Variants in PCDH9 observed in about 807,000 individuals in gnomAD.
The protein encoded by PCDH9 is protocadherin 9, also known as protocadherin-9.
PCDH9 carries 24 observed loss-of-function variants against 70.6 expected under a neutral mutation model. The ratio of observed to expected loss-of-function variants is 0.34; its 90% CI spans 0.25 to 0.48. The LOEUF is 0.48. PCDH9 is among the 20% of genes least tolerant of loss of function. The pLI, the probability that PCDH9 is intolerant of heterozygous loss-of-function variation, is 0.99. For synonymous variants in PCDH9, 562 were observed against 558.5 expected, an observed-to-expected ratio of 1.01 and a Z score of -0.09; for missense variants, 1,281 against 1,503.6, an observed-to-expected ratio of 0.85 and a Z score of 2.45.
At chr13:67,028,727 T>C (rs1294061029) in intron 2 of PCDH9, among the ~76,000 whole-genome samples, 1 of 152,162 alleles carries the variant, frequency 6.6e-6, no homozygotes, top group Non-Finnish European at 1.5e-5. Context: ...AATAAATTAC[T>C]AATATGTATT....
At chr13:66,991,207 A>C (rs1344741226) in intron 2 of PCDH9, 2 of 152,120 alleles carry the variant, frequency 1.3e-5, no homozygotes, top group Admixed American at 1.3e-4. Flanking sequence ...CCAAGACATC[A>C]GCAGGTGTAA....
intron 4 of PCDH9, among the ~76,000 whole-genome samples, chr13:66,385,160 G>C (rs1200057606): frequency 1.3e-5 from 2 of 151,878 alleles, no homozygotes; most frequent in East Asian, 3.9e-4. Context: ...TGTCCTCCAG[G>C]TATATTCATG....
chr13:66,778,165 G>A (rs1030711017), intron 3 of PCDH9, among the ~76,000 whole-genome samples: 16 of 151,288 alleles, frequency 1.1e-4, no homozygotes, highest in African/African-American at 3.4e-4. Context: ...ATAGCTTTAG[G>A]AGATATACCT....
chr13:66,922,983 G>C (rs1375905324), intron 2 of PCDH9, among the ~76,000 whole-genome samples: 1 of 150,938 alleles, frequency 6.6e-6, no homozygotes. Flanking sequence ...TAAATATTTA[G>C]TTTTATCTTA....
chr13:66,776,165 C>A (rs1035371898), intron 3 of PCDH9, among the ~76,000 whole-genome samples: 3 of 151,748 alleles, frequency 2.0e-5, no homozygotes, highest in Non-Finnish European at 4.4e-5. Flanking sequence ...AACCCACAGC[C>A]AATATCATAC....
intron 2 of PCDH9, among the ~76,000 whole-genome samples, chr13:67,004,010 T>C (rs2084298072): frequency 6.6e-6 from 1 of 152,126 alleles, no homozygotes; most frequent in Non-Finnish European, 1.5e-5. Context: ...TCCCATTAGT[T>C]TTGATGAAGT....
intron 3 of PCDH9, among the ~76,000 whole-genome samples, chr13:66,842,367 T>A (rs2139431738): frequency 6.6e-6 from 1 of 152,324 alleles, no homozygotes; most frequent in East Asian, 1.9e-4. Context: ...TTAATTCTAA[T>A]GTGGTTCAAA....
At chr13:67,058,492 C>G (rs923751748) in intron 2 of PCDH9, among the ~76,000 whole-genome samples, 1 of 152,104 alleles carries the variant, frequency 6.6e-6, no homozygotes, top group Non-Finnish European at 1.5e-5. Context: ...TCGTCAGGGC[C>G]ATGGTCTAGT....
intron 4 of PCDH9, among the ~76,000 whole-genome samples, chr13:66,562,219 G>C (rs528038612): frequency 6.6e-6 from 1 of 152,160 alleles, no homozygotes; most frequent in South Asian, 2.1e-4. Context: ...AATCAAACTT[G>C]TGATAATATG....
chr13:66,553,154 T>A (rs1435929184), intron 4 of PCDH9, among the ~76,000 whole-genome samples: 1 of 152,174 alleles, frequency 6.6e-6, no homozygotes, highest in East Asian at 1.9e-4. Context: ...ATCAGGGAAC[T>A]ATACCAGTCA....
chr13:66,334,608 C>T (rs1408123147), intron 4 of PCDH9, among the ~76,000 whole-genome samples: 1 of 151,998 alleles, frequency 6.6e-6, no homozygotes, highest in Non-Finnish European at 1.5e-5. Context: ...TTAAATCTCT[C>T]TTTTTCTGTT....
chr13:67,037,062 G>T (rs377737060), intron 2 of PCDH9, among the ~76,000 whole-genome samples: 25 of 152,214 alleles, frequency 1.6e-4, no homozygotes, highest in Non-Finnish European at 2.2e-4. Context: ...TTACCCCACA[G>T]ACTTAGTTAA....
At chr13:66,847,579 A>ATT (rs11410808) in intron 3 of PCDH9, among the ~76,000 whole-genome samples, 7 of 152,098 alleles carry the variant, frequency 4.6e-5, no homozygotes, top group African/African-American at 1.4e-4. Context: ...TCAGCATACT[A>ATT]TTTTTTTCCT....
At chr13:66,909,231 T>G (rs969877635) in intron 2 of PCDH9, among the ~76,000 whole-genome samples, 2 of 151,992 alleles carry the variant, frequency 1.3e-5, no homozygotes, top group Non-Finnish European at 2.9e-5. Flanking sequence ...CTTATGAATA[T>G]ATTTTACCAA....
At chr13:66,830,549 T>G (rs1452494694) in intron 3 of PCDH9, among the ~76,000 whole-genome samples, 1 of 152,184 alleles carries the variant, frequency 6.6e-6, no homozygotes, top group East Asian at 1.9e-4. Flanking sequence ...ATATTTACAT[T>G]ATGAGAAAAG....
chr13:66,539,258 T>C (rs1179749282), intron 4 of PCDH9, among the ~76,000 whole-genome samples: 3 of 152,210 alleles, frequency 2.0e-5, no homozygotes, highest in East Asian at 1.9e-4. Flanking sequence ...ACTACCTTCA[T>C]TGAAGTTACC....
chr13:66,824,384 G>C (rs1451711803), intron 3 of PCDH9, among the ~76,000 whole-genome samples: 1 of 146,556 alleles, frequency 6.8e-6, no homozygotes, highest in African/African-American at 2.5e-5. Flanking sequence ...GGCCCAGCGC[G>C]GTGGCTCATG....
intron 4 of PCDH9, among the ~76,000 whole-genome samples, chr13:66,471,391 A>G (rs921788880): frequency 6.6e-6 from 1 of 152,190 alleles, no homozygotes; most frequent in Non-Finnish European, 1.5e-5. Context: ...TTTCTTTCGA[A>G]GATTACTACT....
At chr13:66,779,849 C>CTCTCTCTCTCTA (rs1395244975) in intron 3 of PCDH9, among the ~76,000 whole-genome samples, 36 of 78,906 alleles carry the variant, frequency 4.6e-4, no homozygotes, top group African/African-American at 8.2e-4. Flanking sequence ...CTCTCTCTCT[C>CTCTCTCTCTCTA]TATATATATA....
Sources: gnomAD v4.1 joint callset for allele counts (sites outside exome capture counted in the v4.1 genomes callset) on GRCh38, gnomAD v4.1.1 for gene constraint, MANE v1.5 for transcripts, NCBI Gene and HGNC (gene_info 2026-07-23, HGNC 2026-07-21) for gene names.